Variants in GSTM4 observed in about 807,000 individuals in gnomAD.
The protein encoded by GSTM4 is GST class-mu 4.
In GSTM4, 27 loss-of-function variants were observed where a neutral mutation model predicts 30.1. That is an observed-to-expected ratio of 0.90 (90% CI 0.66 to 1.24). The LOEUF is 1.24. Ranked by LOEUF, GSTM4 falls within the 50% of genes most tolerant of loss-of-function variation. The pLI is 0.00. For synonymous variants in GSTM4, 94 were observed against 96.2 expected (o/e 0.98, Z 0.13); for missense variants, 238 against 272.1 (o/e 0.87, Z 0.88).
At chr1:109,665,237 T>C, downstream of GSTM4, 1 of 619,344 alleles carries the variant, frequency 1.6e-6, no homozygotes, top group East Asian at 2.8e-5. Context: ...TTGACCTCTC[T>C]GACTGGGACA....
downstream of GSTM4, among the ~76,000 whole-genome samples, chr1:109,666,229 C>T (rs549202640): frequency 5.9e-5 from 9 of 152,222 alleles, no homozygotes; most frequent in South Asian, 1.9e-3. Flanking sequence ...TAGCTGGGAC[C>T]ACAGGTAAAG....
downstream of GSTM4, chr1:109,664,946 A>G (rs1557955839): frequency 6.3e-7 from 1 of 1,591,738 alleles, no homozygotes; most frequent in East Asian, 2.2e-5. Context: ...TTAAAGAATG[A>G]TCTTGTGGCA....
intron 3 of GSTM4, 155 bp from the exon 4 acceptor site, chr1:109,657,435 C>T: frequency 7.0e-7 from 1 of 1,426,726 alleles, no homozygotes; most frequent in Non-Finnish European, 9.9e-7. Flanking sequence ...GTTCTGTGTC[C>T]CAGCTCATTT....
In GSTM4 at chr1:109,658,339, G is replaced by A. The variant is rs550134867; in HGVS notation, c.360+467G>A. ...TTTTCCTAACAGGCAGCTCAGGGGC[G>A]GCCAGAGGGCCTTTGTTCCTCTGTC... On this transcript the variant is annotated intron_variant, in intron 5 of 7. Transcript: ENST00000369836. The A allele has an allele frequency of 8.0e-5, 17 of 213,308 alleles. 1 individual carries two copies. The highest frequency in any genetic ancestry group is 6.2e-4 in the South Asian group (7 of 11,312). 13.2% of individuals were successfully genotyped at this position (213,308 alleles called of 1,614,324 possible). A position where few individuals can be genotyped will look rare whatever the true frequency, so the allele number is the denominator to read the frequency against.
downstream of GSTM4, chr1:109,665,076 G>C: frequency 8.9e-7 from 1 of 1,124,838 alleles, no homozygotes; most frequent in Non-Finnish European, 1.4e-6. Flanking sequence ...GGGATGCTCA[G>C]ATGGCAGGTA....
intron 7 of GSTM4, chr1:109,660,563 G>A (rs936845488): frequency 6.5e-6 from 1 of 155,016 alleles, no homozygotes. Context: ...AGGTCCTTGG[G>A]TGAGATCTGG....
downstream of GSTM4, chr1:109,664,982 C>T (rs954459983): frequency 6.2e-7 from 1 of 1,611,474 alleles, no homozygotes; most frequent in African/African-American, 1.3e-5. Flanking sequence ...CTAATAGGCA[C>T]AATGTAATTA....
chr1:109,661,823 T>A, downstream of GSTM4: 1 of 517,338 alleles, frequency 1.9e-6, no homozygotes, highest in Non-Finnish European at 2.5e-6. Context: ...ATGGGCTTAG[T>A]AAGGTGTTTC....
Position 109,657,295 on chromosome 1 carries a change from G to C in GSTM4, c.177+16G>C. ...CTTTCCCAATGTAGGTGCAGGGGAA[G>C]GGGCGGTTTTGGGGGAAAGTGCGAC... On this transcript the variant is annotated intron_variant, in intron 3 of 7. Coordinates refer to ENST00000369836, the MANE Select transcript of GSTM4 (RefSeq NM_000850.5). The C allele has an allele frequency of 6.2e-7, 1 of 1,612,014 alleles. No individual in the cohort carries two copies. Among genetic ancestry groups the C allele is most frequent in the Non-Finnish European group, 8.5e-7 (1 of 1,179,656 alleles).
intron 5 of GSTM4, 53 bp downstream of exon 5, chr1:109,657,925 C>T: frequency 1.3e-6 from 2 of 1,500,056 alleles, no homozygotes; most frequent in Non-Finnish European, 1.9e-6. Context: ...CCCATCTACT[C>T]TGGTCCTATT....
downstream of GSTM4, among the ~76,000 whole-genome samples, chr1:109,663,170 A>G (rs533980561): frequency 7.2e-5 from 11 of 152,324 alleles, no homozygotes; most frequent in East Asian, 7.7e-4. Flanking sequence ...GAAATTCAGG[A>G]GAGGGAAATG....
rs1239243344 is a variant in GSTM4, at chr1:109,657,585, T to A, written c.178-5T>A. The A allele has an allele frequency of 3.1e-6, 5 of 1,614,126 alleles. No homozygotes were observed. In the Middle Eastern group the frequency reaches 4.9e-4, roughly 159 times the overall value. ...CTGAGCTTCCCCGGTTTCCCATCTA[T>A]CCAGCTGCCCTACTTGATTGATGGG... On this transcript the variant is annotated splice_polypyrimidine_tract_variant and splice_region_variant and intron_variant, in intron 3 of 7. Transcript: ENST00000369836.
At chr1:109,659,462 C>A (rs114548867) in intron 7 of GSTM4, 1 of 1,155,258 alleles carries the variant, frequency 8.7e-7, no homozygotes, top group Non-Finnish European at 1.2e-6. Context: ...AAGAAAGAAG[C>A]CTCAGGCCTC....
chr1:109,658,137 C>T, intron 5 of GSTM4: 1 of 482,392 alleles, frequency 2.1e-6, no homozygotes, highest in South Asian at 2.3e-5. Context: ...GACCCCTGAC[C>T]TCTGCCACGG....
chr1:109,664,341 C>CCTTTTTTT (rs1647226667), downstream of GSTM4, among the ~76,000 whole-genome samples: 1 of 35,742 alleles, frequency 2.8e-5, no homozygotes, highest in Non-Finnish European at 4.9e-5. Flanking sequence ...GAGAGAATAG[C>CCTTTTTTT]TTTTTTTTTT....
At chr1:109,656,556 GT>G in intron 1 of GSTM4, 131 bp downstream of exon 1, 1 of 365,278 alleles carries the variant, frequency 2.7e-6, no homozygotes. Flanking sequence ...ATGCCTGTGT[GT>G]GTGTGTGTGT....
intron 7 of GSTM4, chr1:109,660,776 C>G (rs1382874522): frequency 4.1e-6 from 1 of 242,176 alleles, no homozygotes; most frequent in Admixed American, 5.0e-5. Context: ...CGTTGCAGCT[C>G]TGTCCCCCTT....
downstream of GSTM4, among the ~76,000 whole-genome samples, chr1:109,666,960 A>G (rs1282909082): frequency 1.3e-5 from 2 of 151,844 alleles, no homozygotes; most frequent in South Asian, 4.1e-4. Context: ...GGGTTTCTTC[A>G]CCTCAGCAGT....
chr1:109,660,749 GAGAC>G (rs146201660), intron 7 of GSTM4: 2,182 of 196,146 alleles, frequency 0.011, 61 homozygotes, highest in African/African-American at 0.047. Context: ...GAACTGGAGA[GAGAC>G]AGAACCAGTC....
Sources: gnomAD v4.1 joint callset for allele counts (sites outside exome capture counted in the v4.1 genomes callset) on GRCh38, gnomAD v4.1.1 for gene constraint, MANE v1.5 for transcripts, NCBI Gene and HGNC (gene_info 2026-07-23, HGNC 2026-07-21) for gene names.